The following CFDP1 variants were observed in gnomAD, a reference collection of about 807,000 sequenced individuals.
CFDP1 encodes the protein chromatin remodeling protein CFDP1.
A neutral mutation model predicts 40.1 loss-of-function variants in CFDP1; 31 were observed. That is an observed-to-expected ratio of 0.77 (90% CI 0.58 to 1.04). CFDP1 has a LOEUF of 1.04. CFDP1 is among the 50% of genes least tolerant of loss of function. The pLI, the probability that CFDP1 is intolerant of heterozygous loss-of-function variation, is 0.00. For synonymous variants in CFDP1, 167 were observed against 120.0 expected (o/e 1.39, Z -2.56); for missense variants, 423 against 343.4 (o/e 1.23, Z -1.83).
chr16:75,412,719 T>C lies in CFDP1; in HGVS notation c.218A>G (p.Glu73Gly). Residue 73 changes from glutamate to glycine, a missense_variant, in exon 3 of 7, where the codon GAG becomes GGG. By Grantham distance (98) the Glu-to-Gly change is moderately conservative (BLOSUM62 -2). Transcript: ENST00000283882. The stretch of plus-strand genomic sequence containing the variant: ...TTCTGAATTGGCATCCTCCTCTTCC[T>C]CTTCTTCTAATGAGAGGCCACCTTG... ...RRQGGLSLEE[E>G]EEEDANSESE... 2 of 1,613,846 alleles carry C rather than the reference T, an allele frequency of 1.2e-6. No homozygotes were observed. Among genetic ancestry groups the C allele is most frequent in the Non-Finnish European group, 1.7e-6 (2 of 1,179,982 alleles).
intron 5 of CFDP1, among the ~76,000 whole-genome samples, chr16:75,358,203 T>G (rs182454699): frequency 6.6e-6 from 1 of 152,180 alleles, no homozygotes; most frequent in African/African-American, 2.4e-5. Context: ...GACAGAGACA[T>G]GAAGTAAATA....
chr16:75,398,016 G>A (rs185652925), intron 4 of CFDP1, among the ~76,000 whole-genome samples: 1 of 152,288 alleles, frequency 6.6e-6, no homozygotes, highest in Admixed American at 6.5e-5. Flanking sequence ...TCAACTGGCT[G>A]CTGGTCCAAG....
chr16:75,327,315 G>C (rs2078409533), intron 5 of CFDP1, among the ~76,000 whole-genome samples: 1 of 152,010 alleles, frequency 6.6e-6, no homozygotes, highest in African/African-American at 2.4e-5. Context: ...TGGAAGACAT[G>C]GAATCCAAGA....
At chr16:75,298,924 G>C (rs745382937) in intron 6 of CFDP1, among the ~76,000 whole-genome samples, 4 of 152,146 alleles carry the variant, frequency 2.6e-5, no homozygotes, top group Admixed American at 2.0e-4. Flanking sequence ...AAAAACACCT[G>C]GTCTCCAATT....
At chr16:75,306,001 T>A (rs1291668002) in intron 5 of CFDP1, among the ~76,000 whole-genome samples, 1 of 152,136 alleles carries the variant, frequency 6.6e-6, no homozygotes, top group Non-Finnish European at 1.5e-5. Context: ...TTGTTAAACA[T>A]ATGAAATAAA....
chr16:75,379,344 AAG>A (rs36050796), intron 5 of CFDP1, among the ~76,000 whole-genome samples: 1 of 149,118 alleles, frequency 6.7e-6, no homozygotes, highest in Non-Finnish European at 1.5e-5. Flanking sequence ...CCAAAAAAAA[AAG>A]AGAGAGAGAG....
At chr16:75,384,909 G>C (rs2078881996) in intron 5 of CFDP1, among the ~76,000 whole-genome samples, 1 of 132,556 alleles carries the variant, frequency 7.5e-6, no homozygotes, top group African/African-American at 3.0e-5. Context: ...TTGCAGACCA[G>C]TACAGACAGG....
chr16:75,400,810 T>C (rs1038620397), intron 4 of CFDP1, among the ~76,000 whole-genome samples: 1 of 152,250 alleles, frequency 6.6e-6, no homozygotes, highest in African/African-American at 2.4e-5. Context: ...AATAATGTAC[T>C]GTATTATGCT....
intron 1 of CFDP1, chr16:75,419,096 G>T: frequency 7.6e-6 from 3 of 394,028 alleles, no homozygotes; most frequent in Non-Finnish European, 1.6e-5. Context: ...TAAGCAGGAC[G>T]CCGACTCATA....
At chr16:75,330,017 C>T (rs1414168397) in intron 5 of CFDP1, among the ~76,000 whole-genome samples, 1 of 152,060 alleles carries the variant, frequency 6.6e-6, no homozygotes, top group Non-Finnish European at 1.5e-5. Context: ...CTTTAGAATC[C>T]CCAGAGGTTA....
At chr16:75,397,889 C>T (rs2079010750) in intron 4 of CFDP1, among the ~76,000 whole-genome samples, 1 of 152,240 alleles carries the variant, frequency 6.6e-6, no homozygotes, top group Non-Finnish European at 1.5e-5. Context: ...GGATACACGA[C>T]TTGCTACAAA....
At chr16:75,298,212 A>C (rs950912427) in intron 6 of CFDP1, among the ~76,000 whole-genome samples, 6 of 152,242 alleles carry the variant, frequency 3.9e-5, no homozygotes, top group African/African-American at 1.4e-4. Context: ...AATATTTCAA[A>C]ATTGAAAAAG....
intron 4 of CFDP1, chr16:75,409,429 C>A (rs983932635): frequency 6.6e-6 from 1 of 152,130 alleles, no homozygotes; most frequent in Admixed American, 6.5e-5. Flanking sequence ...TGAGCCCCGC[C>A]GCCACAAAGA....
intron 1 of CFDP1, among the ~76,000 whole-genome samples, chr16:75,416,921 G>C (rs1450614762): frequency 6.6e-6 from 1 of 152,180 alleles, no homozygotes; most frequent in Non-Finnish European, 1.5e-5. Context: ...TTCATGAAGA[G>C]AGCAGTGAGT....
intron 4 of CFDP1, among the ~76,000 whole-genome samples, chr16:75,411,009 A>G (rs1447037589): frequency 6.6e-6 from 1 of 151,890 alleles, no homozygotes; most frequent in East Asian, 1.9e-4. Context: ...ACCTGAGGTC[A>G]GGAGTTCAAG....
At chr16:75,303,400 A>AATAAATAAATGT (rs745774792) in intron 6 of CFDP1, among the ~76,000 whole-genome samples, 19 of 146,246 alleles carry the variant, frequency 1.3e-4, no homozygotes, top group African/African-American at 4.9e-4. Context: ...TAAATAAATA[A>AATAAATAAATGT]ATGTATGTAT....
At chr16:75,326,382 A>C (rs947977179) in intron 5 of CFDP1, among the ~76,000 whole-genome samples, 7 of 152,218 alleles carry the variant, frequency 4.6e-5, no homozygotes, top group African/African-American at 1.7e-4. Flanking sequence ...ATCTCACTCA[A>C]TACTCAGTCA....
chr16:75,376,249 A>G (rs2151543772), intron 5 of CFDP1, among the ~76,000 whole-genome samples: 1 of 152,272 alleles, frequency 6.6e-6, no homozygotes, highest in East Asian at 1.9e-4. Flanking sequence ...AACATTAAGC[A>G]CACATCTACT....
intron 5 of CFDP1, among the ~76,000 whole-genome samples, chr16:75,368,869 A>G (rs1184520145): frequency 1.3e-5 from 2 of 152,124 alleles, no homozygotes; most frequent in East Asian, 1.9e-4. Context: ...TCATAATAAA[A>G]AGTTGTTTGT....
Sources: gnomAD v4.1 joint callset for allele counts (sites outside exome capture counted in the v4.1 genomes callset) on GRCh38, gnomAD v4.1.1 for gene constraint, MANE v1.5 for transcripts, NCBI Gene and HGNC (gene_info 2026-07-23, HGNC 2026-07-21) for gene names.